PTPRT: variants seen among roughly 807,000 people sequenced by gnomAD.
The protein encoded by PTPRT is receptor-type tyrosine-protein phosphatase T.
Under a neutral mutation model 176.8 loss-of-function variants are expected in PTPRT, and 56 were observed. The ratio of observed to expected loss-of-function variants is 0.32; its 90% CI spans 0.26 to 0.40. The LOEUF (loss-of-function observed/expected upper bound fraction) is 0.40. PTPRT is among the 10% of genes least tolerant of loss of function. The pLI is 1.00. For synonymous variants in PTPRT, 783 were observed against 739.0 expected (o/e 1.06, Z -0.96); for missense variants, 1,540 against 1,908.2 (o/e 0.81, Z 3.60).
chr20:42,076,933 GA>G lies in PTPRT; in HGVS notation c.*3945del. The stretch of plus-strand genomic sequence containing the variant: ...TCTTCTGTTATGGGTAACCTCCTGG[GA>G]AAAATGTGAGATACAATGGTGGAAA... On this transcript the variant is annotated 3_prime_UTR_variant, in exon 31 of 31. Transcript: ENST00000373187. 2 of 196,422 alleles carry G rather than the reference GA, an allele frequency of 1.0e-5. No homozygotes were observed. The highest frequency in any genetic ancestry group is 2.1e-5 in the Non-Finnish European group (2 of 94,608). 12.2% of individuals were successfully genotyped at this position (196,422 alleles called of 1,614,324 possible). A position where few individuals can be genotyped will look rare whatever the true frequency, so the allele number is the denominator to read the frequency against.
intron 8 of PTPRT, among the ~76,000 whole-genome samples, chr20:42,451,731 G>A (rs553000647): frequency 1.3e-5 from 2 of 152,206 alleles, no homozygotes; most frequent in East Asian, 3.9e-4. Context: ...CTTTAAACTT[G>A]CCCATTGAAC....
intron 7 of PTPRT, among the ~76,000 whole-genome samples, chr20:42,670,342 CAG>C (rs2075391739): frequency 6.6e-6 from 1 of 152,134 alleles, no homozygotes; most frequent in Admixed American, 6.5e-5. Flanking sequence ...AATTGAGTCA[CAG>C]AGAGATGGTG....
At chr20:42,578,937 T>C (rs541337517) in intron 7 of PTPRT, among the ~76,000 whole-genome samples, 13 of 151,326 alleles carry the variant, frequency 8.6e-5, no homozygotes, top group African/African-American at 3.2e-4. Context: ...CTTTAAGTTT[T>C]AGGGTACATG....
intron 1 of PTPRT, among the ~76,000 whole-genome samples, chr20:43,156,129 C>G (rs1030274205): frequency 6.6e-6 from 1 of 152,092 alleles, no homozygotes; most frequent in South Asian, 2.1e-4. Context: ...CTGGGAGGAA[C>G]CTTGTTTGGG....
chr20:42,452,740 C>T (rs6130137), intron 8 of PTPRT, among the ~76,000 whole-genome samples: 73,175 of 152,018 alleles, frequency 0.48, 18,640 homozygotes, highest in African/African-American at 0.65. Flanking sequence ...AATTCTCTTT[C>T]TCACACCAGA....
chr20:42,714,850 T>C (rs1188207331), intron 6 of PTPRT, among the ~76,000 whole-genome samples: 1 of 152,166 alleles, frequency 6.6e-6, no homozygotes, highest in Non-Finnish European at 1.5e-5. Context: ...AGAGAGTTCA[T>C]ATGGGGAGTA....
At chr20:42,067,447 T>A in the PTPRT span, among the ~76,000 whole-genome samples, 1 of 147,944 alleles carries the variant, frequency 6.8e-6, no homozygotes, top group South Asian at 2.2e-4. Flanking sequence ...AGCTGCTTAC[T>A]CTGCATGCAT....
At chr20:43,095,305 C>A (rs1222624635) in intron 1 of PTPRT, among the ~76,000 whole-genome samples, 1 of 152,110 alleles carries the variant, frequency 6.6e-6, no homozygotes, top group African/African-American at 2.4e-5. Context: ...ATTTCTCCCA[C>A]CAGCACTGAG....
chr20:42,816,282 A>G (rs2077783946), intron 2 of PTPRT, among the ~76,000 whole-genome samples: 1 of 152,228 alleles, frequency 6.6e-6, no homozygotes, highest in South Asian at 2.1e-4. Context: ...CCTTAAAGGT[A>G]GGAGCATTCT....
chr20:42,273,035 C>T (rs2056966131), intron 13 of PTPRT, among the ~76,000 whole-genome samples: 1 of 152,104 alleles, frequency 6.6e-6, no homozygotes, highest in Non-Finnish European at 1.5e-5. Context: ...CCCTTCTTGC[C>T]CACCAGTGAC....
intron 5 of PTPRT, among the ~76,000 whole-genome samples, chr20:42,758,349 G>A (rs2076866685): frequency 6.6e-6 from 1 of 152,116 alleles, no homozygotes; most frequent in Admixed American, 6.5e-5. Context: ...GAGGGGCACA[G>A]GTACAGGTAG....
intron 9 of PTPRT, among the ~76,000 whole-genome samples, chr20:42,445,204 A>T (rs999086207): frequency 6.6e-6 from 1 of 152,138 alleles, no homozygotes; most frequent in African/African-American, 2.4e-5. Context: ...GGTAATATGA[A>T]CTTGGTCTTT....
chr20:42,949,242 T>C (rs1035322005), intron 1 of PTPRT, among the ~76,000 whole-genome samples: 1 of 152,198 alleles, frequency 6.6e-6, no homozygotes, highest in Non-Finnish European at 1.5e-5. Flanking sequence ...TGCTCTGGCC[T>C]TAGTTATTTT....
At chr20:43,018,571 A>G (rs1985486942) in intron 1 of PTPRT, among the ~76,000 whole-genome samples, 1 of 152,342 alleles carries the variant, frequency 6.6e-6, no homozygotes, top group South Asian at 2.1e-4. Flanking sequence ...AGGCAAATGT[A>G]AAATGGCGGG....
At chr20:42,888,497 G>A (rs2079139088) in intron 1 of PTPRT, among the ~76,000 whole-genome samples, 1 of 152,176 alleles carries the variant, frequency 6.6e-6, no homozygotes, top group Admixed American at 6.5e-5. Context: ...TTAAATCTAA[G>A]AGAATTGATG....
rs1452496525 is a variant in PTPRT, at chr20:43,037,670, A to G, written c.89-151738T>C. Reference sequence around the variant, plus strand: ...ACCTGTTTTTTTTTGTTTGTTTTTCATAAGTCATCTGGTGGCAATGGCCTG... The same window carrying G: ...ACCTGTTTTTTTTTGTTTGTTTTTCGTAAGTCATCTGGTGGCAATGGCCTG... On this transcript the variant is annotated intron_variant, in intron 1 of 30. Coordinates refer to ENST00000373187, the MANE Select transcript of PTPRT (RefSeq NM_007050.6). 5.3e-5 allele frequency among the ~76,000 whole-genome samples: 8 copies of G among 152,156 alleles called. 1 individual carries two copies. The South Asian group carries it at 8.3e-4, about 16-fold the overall frequency.
At chr20:42,686,353 T>C (rs2075691064) in intron 6 of PTPRT, 1 of 152,006 alleles carries the variant, frequency 6.6e-6, no homozygotes, top group South Asian at 2.1e-4. Context: ...CAGGTTTCCT[T>C]GACCCCTAGT....
intron 12 of PTPRT, among the ~76,000 whole-genome samples, chr20:42,289,765 C>A (rs988551622): frequency 6.6e-6 from 1 of 152,056 alleles, no homozygotes; most frequent in Non-Finnish European, 1.5e-5. Flanking sequence ...TTCCCTTCCA[C>A]AGTTTCGTGC....
intron 2 of PTPRT, among the ~76,000 whole-genome samples, chr20:42,853,788 C>T (rs373511963): frequency 3.3e-5 from 5 of 152,170 alleles, no homozygotes; most frequent in South Asian, 4.2e-4. Flanking sequence ...ACCATCACAA[C>T]CTTGTATACG....
Sources: allele counts gnomAD v4.1 joint callset (sites outside exome capture counted in the v4.1 genomes callset), GRCh38; gene constraint gnomAD v4.1.1; transcripts MANE v1.5; gene names NCBI Gene and HGNC (gene_info 2026-07-23, HGNC 2026-07-21).